Variants in MED24 observed in about 807,000 individuals in gnomAD.
MED24 encodes the protein mediator of RNA polymerase II transcription subunit 24.
A neutral mutation model predicts 118.8 loss-of-function variants in MED24; 74 were observed. The observed-to-expected ratio is 0.62, with a 90% CI of 0.52 to 0.76. The LOEUF is 0.76. MED24 is among the 30% of genes least tolerant of loss of function. MED24 has a pLI of 0.00. For missense variants in MED24, 1,041 were observed against 1,278.9 expected, an observed-to-expected ratio of 0.81 and a Z score of 2.84; for synonymous variants, 521 against 523.9, an observed-to-expected ratio of 0.99 and a Z score of 0.08.
chr17:40,033,533 T>G lies in MED24; in HGVS notation c.560-77A>C. 1 of 1,254,586 alleles carries G rather than the reference T, an allele frequency of 8.0e-7. No individual in the cohort carries two copies. The highest frequency in any genetic ancestry group is 1.5e-5 in the African/African-American group (1 of 67,202). 77.7% of individuals were successfully genotyped at this position (1,254,586 alleles called of 1,614,324 possible). A position where few individuals can be genotyped will look rare whatever the true frequency, so the allele number is the denominator to read the frequency against. ...GCACCTGGCCCTGAACTCCTCGATT[T>G]TGGCACTCCCTCCGGCACACGAAAC... On this transcript the variant is annotated intron_variant, in intron 6 of 25. Coordinates refer to ENST00000394128, the MANE Select transcript of MED24 (RefSeq NM_014815.4). This position sits in a 1 kb window ranked among gnomAD's most constrained non-coding sequence, Gnocchi z 5.2.
In MED24 at chr17:40,053,587, G is replaced by T; in HGVS notation, c.12C>A (p.Val4=). 6.2e-7 allele frequency: 1 copy of T among 1,614,100 alleles called. No homozygotes were observed. Among genetic ancestry groups the T allele is most frequent in the Non-Finnish European group, 8.5e-7 (1 of 1,180,042 alleles). MKV[V]NLKQAILQAW... The stretch of plus-strand genomic sequence containing the variant: ...CTTGCAAAATGGCTTGCTTCAGGTT[G>T]ACCACCTTCATTATTTCACTCTGAG... The change falls in exon 2 of 26, where the codon GTC becomes GTA. Residue 4 remains valine (V), a synonymous_variant. Transcript: ENST00000394128.
chr17:40,025,361 G>A (rs1283951998), intron 19 of MED24, among the ~76,000 whole-genome samples: 7 of 152,118 alleles, frequency 4.6e-5, no homozygotes, highest in Non-Finnish European at 4.4e-5. Flanking sequence ...CCAGCTACTC[G>A]GGAGGCTGAG....
chr17:40,039,714 A>AT (rs1487995417), intron 3 of MED24, among the ~76,000 whole-genome samples: 1 of 150,668 alleles, frequency 6.6e-6, no homozygotes, highest in African/African-American at 2.4e-5. Flanking sequence ...GTGCTCCCGG[A>AT]TTCAAGCAAT....
At chr17:40,031,909 C>G in intron 10 of MED24, 134 bp downstream of exon 10, 1 of 1,033,146 alleles carries the variant, frequency 9.7e-7, no homozygotes, top group African/African-American at 1.6e-5. Flanking sequence ...CATTGTGAAG[C>G]ACGTGCACGC....
At position 40,043,679 on chromosome 17, in the gene MED24, G is replaced by A. The variant is rs561419910; in HGVS notation, c.214-7525C>T. On this transcript the variant is annotated intron_variant, in intron 3 of 25. Transcript: ENST00000394128. ...CGAGGCGGGCGGATCACGAGGTCAG[G>A]AGATCGAGACCATCCTGGCTAACAC... Among the ~76,000 whole-genome samples, 7 of 151,930 alleles carry A rather than the reference G, an allele frequency of 4.6e-5. No homozygotes were observed. In the South Asian group the frequency reaches 1.0e-3, roughly 23 times the overall value.
chr17:40,053,470 T>C lies in MED24; in HGVS notation c.129A>G (p.Ala43=). The change falls in exon 2 of 26, where the codon GCA becomes GCG. Residue 43 remains alanine, a splice_region_variant and synonymous_variant. Transcript: ENST00000394128. ...KGATWDILNL[A]DALLEQAMIG... is the part of the protein sequence containing the mutation. The stretch of plus-strand genomic sequence containing the variant: ...TTTCTTTCCCAGTTCACTTGAGACC[T>C]GCCAGGTTGAGAATATCCCAGGTGG... 2 of 1,614,190 alleles carry C rather than the reference T, an allele frequency of 1.2e-6. No homozygotes were observed. Among genetic ancestry groups the C allele is most frequent in the Non-Finnish European group, 1.7e-6 (2 of 1,180,030 alleles).
intron 3 of MED24, among the ~76,000 whole-genome samples, chr17:40,038,655 G>A (rs1294454250): frequency 6.7e-6 from 1 of 149,456 alleles, no homozygotes; most frequent in Non-Finnish European, 1.5e-5. Flanking sequence ...TGGTTGCAGA[G>A]AGCCAAGATC....
chr17:40,022,782 C>T lies in MED24; in HGVS notation c.2295G>A (p.Val765=). The change falls in exon 21 of 26, where the codon GTG becomes GTA. Residue 765 remains valine (V), a synonymous_variant. Coordinates refer to ENST00000394128, the MANE Select transcript of MED24 (RefSeq NM_014815.4). ...ETRKEHTLRA[V]ELLYSIFCLD... is the part of the protein sequence containing the mutation. ...GGCAGAAGATGGAGTAGAGCAGCTC[C>T]ACTGCCCGCAGCGTGTGCTCCTTCC... 6.2e-7 allele frequency: 1 copy of T among 1,613,860 alleles called. No homozygotes were observed. The highest frequency in any genetic ancestry group is 8.5e-7 in the Non-Finnish European group (1 of 1,179,990).
Position 40,019,500 on chromosome 17 carries a change from C to T in MED24, c.*29G>A. The stretch of plus-strand genomic sequence containing the variant: ...AGGCGCCTGGGGCTGCGCCAGTCCC[C>T]AGCCCCCACTGCGGCCATGCCAAGC... On this transcript the variant is annotated 3_prime_UTR_variant, in exon 26 of 26. Transcript: ENST00000394128. The T allele has an allele frequency of 6.3e-7, 1 of 1,594,456 alleles. No individual in the cohort carries two copies. The highest frequency in any genetic ancestry group is 8.6e-7 in the Non-Finnish European group (1 of 1,165,380).
At chr17:40,027,985 G>C in intron 14 of MED24, 39 bp from the exon 15 acceptor site, 1 of 1,606,686 alleles carries the variant, frequency 6.2e-7, no homozygotes, top group Non-Finnish European at 8.5e-7. Flanking sequence ...ACCAGGGCAT[G>C]AGCTGAGCAG....
Position 40,031,452 on chromosome 17 carries a change from T to G in MED24, c.1067+86A>C. ...AAGGGGAGTGAACAAGGAGACAGAG[T>G]CCCCTGAGGCTTCTCTGGCACAGAG... On this transcript the variant is annotated intron_variant, in intron 11 of 25. Transcript: ENST00000394128. 6 of 1,395,362 alleles carry G rather than the reference T, an allele frequency of 4.3e-6. No homozygotes were observed. In the South Asian group the frequency reaches 6.1e-5, roughly 14 times the overall value. The allele number at this position is 1,395,362 out of a possible 1,614,324, so 86.4% of individuals were successfully genotyped here.
chr17:40,026,162 T>C lies in MED24; in HGVS notation c.1979A>G (p.Asn660Ser), dbSNP rs145854668. The C allele has an allele frequency of 9.9e-5, 159 of 1,613,152 alleles. No homozygotes were observed. Among genetic ancestry groups the C allele is most frequent in the Non-Finnish European group, 1.3e-4 (150 of 1,179,290 alleles). The change falls in exon 19 of 26, where the codon AAT becomes AGT. Residue 660 changes from asparagine to serine, a missense_variant. Coordinates refer to ENST00000394128, the MANE Select transcript of MED24 (RefSeq NM_014815.4). ...GGGAAGGCAGGTTACCGACCTCTCA[T>C]TGTAGAACTGCAGGGTGTTCTCACT... is the stretch of plus-strand genomic sequence containing the variant. The part of the protein sequence containing the change: ...LFSENTLQFY[N>S]ERVVIMNSIL...
chr17:40,048,569 A>T (rs2144989523), intron 3 of MED24, among the ~76,000 whole-genome samples: 1 of 152,190 alleles, frequency 6.6e-6, no homozygotes, highest in Middle Eastern at 3.4e-3. Context: ...TTTATTTTTT[A>T]TTGAGACAGA....
In MED24 at chr17:40,029,621, C is replaced by T. The variant is rs1488436302; in HGVS notation, c.1266+127G>A. ...CCCTTGCCTCCCCTTTCACTACCTC[C>T]AAAGCAACTATGTATAAAAGCTAAA... On this transcript the variant is annotated intron_variant, in intron 13 of 25. Transcript: ENST00000394128. The T allele has an allele frequency of 6.8e-6, 6 of 885,256 alleles. No homozygotes were observed. The African/African-American group carries it at 6.8e-5, about 10-fold the overall frequency. 54.8% of individuals were successfully genotyped at this position (885,256 alleles called of 1,614,324 possible).
chr17:40,027,961 G>C lies in MED24; in HGVS notation c.1410-15C>G. On this transcript the variant is annotated splice_polypyrimidine_tract_variant and intron_variant, in intron 14 of 25. Coordinates refer to ENST00000394128, the MANE Select transcript of MED24 (RefSeq NM_014815.4). ...ATTCATTCAAACTGAAAGGAATGGAGACAGGCTGCATTGACCAGGGCATGA... is the reference window on the plus strand; with the variant it reads ...ATTCATTCAAACTGAAAGGAATGGACACAGGCTGCATTGACCAGGGCATGA... 1.2e-6 allele frequency: 2 copies of C among 1,613,706 alleles called. No individual in the cohort carries two copies. Among genetic ancestry groups the C allele is most frequent in the Non-Finnish European group, 1.7e-6 (2 of 1,179,906 alleles).
intron 1 of MED24, 158 bp from the exon 2 acceptor site, chr17:40,053,793 T>C: frequency 1.0e-6 from 1 of 969,836 alleles, no homozygotes; most frequent in Non-Finnish European, 1.5e-6. Flanking sequence ...TAAGATCCTG[T>C]CAGACTCTCT....
At chr17:40,044,462 G>A (rs565603641) in intron 3 of MED24, among the ~76,000 whole-genome samples, 3 of 152,086 alleles carry the variant, frequency 2.0e-5, no homozygotes, top group Non-Finnish European at 4.4e-5. Flanking sequence ...AGAGGTTGCA[G>A]TGAGCCAAGA....
chr17:40,033,362 A>G lies in MED24; in HGVS notation c.654T>C (p.Cys218=), dbSNP rs1311844263. ...GCCGGTACCTCCTAATGAGGGTGCC[A>G]CACTGCTCGGCCTGACTCCGGAGCT... is the stretch of plus-strand genomic sequence containing the variant. ...NPQLRSQAEQ[C]GTLIRSIPTM... is the part of the protein sequence containing the mutation. Residue 218 remains cysteine (C), a synonymous_variant, in exon 7 of 26, where the codon TGT becomes TGC. Transcript: ENST00000394128. This position sits in a 1 kb window ranked among gnomAD's most constrained non-coding sequence, Gnocchi z 5.2. The G allele has an allele frequency of 6.2e-7, 1 of 1,613,026 alleles. No homozygotes were observed. The highest frequency in any genetic ancestry group is 8.5e-7 in the Non-Finnish European group (1 of 1,179,634).
Position 40,026,879 on chromosome 17 carries a change from G to C in MED24, c.1686C>G (p.Asn562Lys). 2 of 1,613,578 alleles carry C rather than the reference G, an allele frequency of 1.2e-6. No individual in the cohort carries two copies. The highest frequency in any genetic ancestry group is 1.7e-6 in the Non-Finnish European group (2 of 1,179,746). ...ACACTAGCTTCATCTCCGAGGAGTT[G>C]TTGAGCAGGGCCACCAGGGACTCCA... The part of the protein sequence containing the change: ...TKVESLVALL[N>K]NSSEMKLVQM... Residue 562 changes from asparagine (N) to lysine (K), a missense_variant, in exon 17 of 26, where the codon AAC becomes AAG. Asn to Lys is a moderately conservative substitution (Grantham distance 94, BLOSUM62 0). Coordinates refer to ENST00000394128, the MANE Select transcript of MED24 (RefSeq NM_014815.4).
Sources: allele counts gnomAD v4.1 joint callset (sites outside exome capture counted in the v4.1 genomes callset), GRCh38; gene constraint gnomAD v4.1.1; non-coding constraint Gnocchi (gnomAD v3.1); transcripts MANE v1.5; gene names NCBI Gene and HGNC (gene_info 2026-07-23, HGNC 2026-07-21).